Variants in ZYG11A observed in about 807,000 individuals in gnomAD.
ZYG11A encodes zyg-11 family member A, cell cycle regulator, also known as protein zyg-11 homolog A.
A neutral mutation model predicts 77.2 loss-of-function variants in ZYG11A; 62 were observed. The observed-to-expected ratio is 0.80, with a 90% CI of 0.65 to 0.99. The LOEUF (loss-of-function observed/expected upper bound fraction) is 0.99. ZYG11A is among the 50% of genes least tolerant of loss of function. ZYG11A has a pLI of 0.00. For synonymous variants in ZYG11A, 315 were observed against 324.6 expected, an observed-to-expected ratio of 0.97 and a Z score of 0.32; for missense variants, 828 against 896.8, an observed-to-expected ratio of 0.92 and a Z score of 0.98.
chr1:52,856,898 ATTG>A (rs992157904), intron 2 of ZYG11A, 97 bp from the exon 3 acceptor site: 4 of 1,248,212 alleles, frequency 3.2e-6, no homozygotes, highest in South Asian at 1.6e-5. Flanking sequence ...TGTTGTCATT[ATTG>A]TTATTATTAA....
At chr1:52,859,909 C>T (rs528508195) in intron 3 of ZYG11A, among the ~76,000 whole-genome samples, 54 of 152,032 alleles carry the variant, frequency 3.6e-4, no homozygotes, top group African/African-American at 1.2e-3. Context: ...AACTCCTGAC[C>T]TCAGGTGATC....
chr1:52,877,378 A>T (rs1379616148), intron 8 of ZYG11A, among the ~76,000 whole-genome samples: 1 of 152,134 alleles, frequency 6.6e-6, no homozygotes, highest in Non-Finnish European at 1.5e-5. Context: ...CTTGGCTTAG[A>T]GAAGGTGTTG....
chr1:52,857,788 A>G (rs1423942899), intron 3 of ZYG11A, 39 bp downstream of exon 3: 4 of 1,484,780 alleles, frequency 2.7e-6, no homozygotes, highest in Non-Finnish European at 2.7e-6. Flanking sequence ...TCATTTGTTT[A>G]GAACATTATT....
chr1:52,869,264 A>G (rs1170659501), intron 8 of ZYG11A, among the ~76,000 whole-genome samples: 4 of 28,514 alleles, frequency 1.4e-4, no homozygotes, highest in African/African-American at 5.9e-4. Context: ...TTTTTTCTTT[A>G]TTGATCATTC....
intron 10 of ZYG11A, among the ~76,000 whole-genome samples, chr1:52,880,716 G>A (rs538006145): frequency 2.6e-5 from 4 of 152,166 alleles, no homozygotes; most frequent in Non-Finnish European, 4.4e-5. Context: ...TCTAGGAGCC[G>A]AACGTGGCCT....
intron 2 of ZYG11A, among the ~76,000 whole-genome samples, chr1:52,855,648 A>G (rs973777333): frequency 3.3e-5 from 5 of 152,224 alleles, no homozygotes; most frequent in African/African-American, 4.8e-5. Context: ...AACATTTAAT[A>G]TAAATTAAAT....
At chr1:52,878,796 G>C (rs1190532493) in intron 10 of ZYG11A, among the ~76,000 whole-genome samples, 1 of 151,690 alleles carries the variant, frequency 6.6e-6, no homozygotes, top group Non-Finnish European at 1.5e-5. Context: ...AAAATTAGCT[G>C]GGCATGGTAG....
rs1047088900 is a variant in ZYG11A at position 52,857,661 on chromosome 1, T to C, written c.920T>C (p.Ile307Thr). ...CITDEAVELFIRLRPAMQFVG... is the reference protein window; with the variant it reads ...CITDEAVELFTRLRPAMQFVG... Reference sequence around the variant, plus strand: ...ACTGATGAAGCTGTAGAACTGTTTATACGACTGCGGCCTGCCATGCAATTT... The same window carrying C: ...ACTGATGAAGCTGTAGAACTGTTTACACGACTGCGGCCTGCCATGCAATTT... Residue 307 changes from isoleucine to threonine, a missense_variant, in exon 3 of 14, where the codon ATA becomes ACA. Ile to Thr is a moderately conservative substitution (Grantham distance 89). Transcript: ENST00000371528. 5 of 1,552,242 alleles carry C rather than the reference T, an allele frequency of 3.2e-6. No individual in the cohort carries two copies. The highest frequency in any genetic ancestry group is 8.7e-7 in the Non-Finnish European group (1 of 1,147,102).
In ZYG11A at chr1:52,867,729, C is replaced by T. The variant is rs1430962220; in HGVS notation, c.1494C>T (p.Leu498=). 8 of 1,551,464 alleles carry T rather than the reference C, an allele frequency of 5.2e-6. No homozygotes were observed. Among genetic ancestry groups the T allele is most frequent in the Non-Finnish European group, 6.1e-6 (7 of 1,146,938 alleles). The change falls in exon 8 of 14, where the codon CTC becomes CTT. Residue 498 remains leucine, a splice_region_variant and synonymous_variant. Transcript: ENST00000371528. ...VSVTSILALQ[L]SPEQTAQLEE... Reference sequence around the variant, plus strand: ...TGAGCCTTTCTGTTTGCTTATAGCTCTCACCTGAGCAAACGGCACAGCTTG... The same window carrying T: ...TGAGCCTTTCTGTTTGCTTATAGCTTTCACCTGAGCAAACGGCACAGCTTG...
chr1:52,850,850 T>C (rs913096432), intron 1 of ZYG11A, among the ~76,000 whole-genome samples: 1 of 152,206 alleles, frequency 6.6e-6, no homozygotes, highest in African/African-American at 2.4e-5. Context: ...TGTGTTCATG[T>C]TCTGTTTTAA....
At chr1:52,844,184 G>A (rs1228961407) in intron 1 of ZYG11A, among the ~76,000 whole-genome samples, 1 of 152,194 alleles carries the variant, frequency 6.6e-6, no homozygotes, top group Non-Finnish European at 1.5e-5. Flanking sequence ...GGGAACTCGA[G>A]GGATTGAGTG....
At chr1:52,887,612 C>G (rs955470963) in intron 13 of ZYG11A, among the ~76,000 whole-genome samples, 1 of 151,874 alleles carries the variant, frequency 6.6e-6, no homozygotes, top group Non-Finnish European at 1.5e-5. Flanking sequence ...GGTGAGGTGT[C>G]TCCCAAAGTG....
chr1:52,849,514 C>T (rs1172747920), intron 1 of ZYG11A, among the ~76,000 whole-genome samples: 5 of 151,518 alleles, frequency 3.3e-5, no homozygotes, highest in Admixed American at 6.6e-5. Flanking sequence ...TACAGGTGTG[C>T]GCCAACATGC....
At chr1:52,870,005 G>C (rs537204003) in intron 8 of ZYG11A, among the ~76,000 whole-genome samples, 1,561 of 110,760 alleles carry the variant, frequency 0.014, 44 homozygotes, top group African/African-American at 0.048. Context: ...GCTGCCGGGT[G>C]GAGGGGCTCC....
intron 13 of ZYG11A, among the ~76,000 whole-genome samples, chr1:52,890,572 G>A (rs1360531801): frequency 1.3e-5 from 2 of 151,128 alleles, no homozygotes; most frequent in Non-Finnish European, 2.9e-5. Flanking sequence ...GGGGTCTACT[G>A]TCAGCCTAAT....
At chr1:52,844,458 C>T (rs2149980690) in intron 1 of ZYG11A, among the ~76,000 whole-genome samples, 1 of 152,068 alleles carries the variant, frequency 6.6e-6, no homozygotes, top group Non-Finnish European at 1.5e-5. Flanking sequence ...GTACTCACAC[C>T]CATTTTCTCT....
chr1:52,867,299 T>C (rs1023098603), intron 6 of ZYG11A, among the ~76,000 whole-genome samples: 1 of 152,230 alleles, frequency 6.6e-6, no homozygotes, highest in Non-Finnish European at 1.5e-5. Context: ...ATACATTTTT[T>C]CTTAGATTTG....
At chr1:52,864,338 C>T (rs778135077) in intron 5 of ZYG11A, among the ~76,000 whole-genome samples, 181 bp downstream of exon 5, 4 of 151,938 alleles carry the variant, frequency 2.6e-5, no homozygotes, top group Non-Finnish European at 5.9e-5. Context: ...CTCTGCCTCC[C>T]GGGTTCAAGC....
At chr1:52,843,788 G>A (rs1645506012) in intron 1 of ZYG11A, among the ~76,000 whole-genome samples, 1 of 150,012 alleles carries the variant, frequency 6.7e-6, no homozygotes, top group Non-Finnish European at 1.5e-5. Flanking sequence ...CGGGGTTCAA[G>A]CGATTCTTCT....
Sources: gnomAD v4.1 joint callset for allele counts (sites outside exome capture counted in the v4.1 genomes callset) on GRCh38, gnomAD v4.1.1 for gene constraint, MANE v1.5 for transcripts, NCBI Gene and HGNC (gene_info 2026-07-23, HGNC 2026-07-21) for gene names.